The following SORCS3 variants were observed in gnomAD, a reference collection of about 807,000 sequenced individuals.
SORCS3 encodes the protein VPS10 domain-containing receptor SorCS3.
In SORCS3, 57 loss-of-function variants were observed where a neutral mutation model predicts 146.3. The ratio of observed to expected loss-of-function variants is 0.39; its 90% CI spans 0.31 to 0.49. SORCS3 has a LOEUF of 0.49. Ranked by LOEUF, SORCS3 falls within the 20% of genes least tolerant of loss-of-function variation. SORCS3 has a pLI of 0.92. For synonymous variants in SORCS3, 653 were observed against 618.5 expected, an observed-to-expected ratio of 1.06 and a Z score of -0.83; for missense variants, 1,341 against 1,575.5, an observed-to-expected ratio of 0.85 and a Z score of 2.52.
chr10:104,970,912 G>A (rs2054856994), intron 3 of SORCS3, among the ~76,000 whole-genome samples: 1 of 152,120 alleles, frequency 6.6e-6, no homozygotes, highest in Non-Finnish European at 1.5e-5. Flanking sequence ...AAATTTAGGG[G>A]GCTATATTTT....
chr10:104,741,551 A>T (rs1161747534), intron 1 of SORCS3, among the ~76,000 whole-genome samples: 2 of 150,874 alleles, frequency 1.3e-5, no homozygotes, highest in Non-Finnish European at 2.9e-5. Context: ...CTCCTTCTGG[A>T]AATCCTAGGA....
At chr10:105,227,190 T>C (rs547087671) in intron 20 of SORCS3, among the ~76,000 whole-genome samples, 10 of 152,190 alleles carry the variant, frequency 6.6e-5, no homozygotes, top group African/African-American at 2.4e-4. Flanking sequence ...TAATTATTGC[T>C]ATAAGCGTAC....
At chr10:105,055,603 CA>C (rs1228964819) in intron 5 of SORCS3, among the ~76,000 whole-genome samples, 1 of 152,080 alleles carries the variant, frequency 6.6e-6, no homozygotes, top group African/African-American at 2.4e-5. Flanking sequence ...AATAATAAAA[CA>C]GCTTATAATA....
intron 7 of SORCS3, among the ~76,000 whole-genome samples, chr10:105,113,454 C>T (rs1289493356): frequency 6.6e-6 from 1 of 152,182 alleles, no homozygotes; most frequent in Non-Finnish European, 1.5e-5. Context: ...CTTCCCATGA[C>T]ATTAAAAATT....
intron 3 of SORCS3, among the ~76,000 whole-genome samples, chr10:104,934,928 T>C (rs2019245046): frequency 1.3e-5 from 2 of 152,212 alleles, no homozygotes; most frequent in African/African-American, 4.8e-5. Context: ...TACATGCAGT[T>C]GGAGTTGAAG....
chr10:104,709,770 A>G (rs1328223312), intron 1 of SORCS3, among the ~76,000 whole-genome samples: 1 of 152,176 alleles, frequency 6.6e-6, no homozygotes, highest in African/African-American at 2.4e-5. Context: ...TTGGGATACA[A>G]TTAATGTCTG....
intron 1 of SORCS3, among the ~76,000 whole-genome samples, chr10:104,683,036 C>G (rs2015998178): frequency 6.6e-6 from 1 of 152,332 alleles, no homozygotes; most frequent in East Asian, 1.9e-4. Context: ...CCCTTGACAT[C>G]TAAGCATGCT....
intron 5 of SORCS3, among the ~76,000 whole-genome samples, chr10:105,074,163 C>T (rs2055574465): frequency 6.6e-6 from 1 of 152,178 alleles, no homozygotes; most frequent in Non-Finnish European, 1.5e-5. Context: ...CAGGCATTTT[C>T]TTTGCTCTCT....
At chr10:104,919,367 A>ATTT (rs34496681) in intron 3 of SORCS3, among the ~76,000 whole-genome samples, 1 of 148,508 alleles carries the variant, frequency 6.7e-6, no homozygotes, top group Non-Finnish European at 1.5e-5. Context: ...AATGGCATGG[A>ATTT]TTTTTTTTTT....
At chr10:104,908,680 T>A (rs1310552497) in intron 2 of SORCS3, among the ~76,000 whole-genome samples, 1 of 152,234 alleles carries the variant, frequency 6.6e-6, no homozygotes, top group Non-Finnish European at 1.5e-5. Flanking sequence ...TTTGAGAAGC[T>A]TTTAGCAATT....
intron 2 of SORCS3, among the ~76,000 whole-genome samples, chr10:104,896,911 T>C (rs959188569): frequency 6.6e-6 from 1 of 152,190 alleles, no homozygotes; most frequent in African/African-American, 2.4e-5. Flanking sequence ...TCTGGCCCTG[T>C]ACAGAAAAAG....
At chr10:105,178,600 G>GACAC (rs34722139) in intron 14 of SORCS3, among the ~76,000 whole-genome samples, 2 of 151,412 alleles carry the variant, frequency 1.3e-5, no homozygotes, top group African/African-American at 4.9e-5. Flanking sequence ...CTCTCTCATA[G>GACAC]ACACACACAC....
intron 1 of SORCS3, among the ~76,000 whole-genome samples, chr10:104,841,090 T>C (rs965723650): frequency 1.3e-5 from 2 of 152,210 alleles, no homozygotes; most frequent in Middle Eastern, 3.4e-3. Flanking sequence ...TATATACTGA[T>C]TCAACAAACA....
chr10:105,039,451 C>CTT (rs920662213), intron 4 of SORCS3, among the ~76,000 whole-genome samples: 1,373 of 96,266 alleles, frequency 0.014, 3 homozygotes, highest in Non-Finnish European at 0.018. Context: ...CTCTCGCTCT[C>CTT]TTTTTTTTTT....
At chr10:104,939,988 T>TACTC (rs2019295880) in intron 3 of SORCS3, among the ~76,000 whole-genome samples, 1 of 151,558 alleles carries the variant, frequency 6.6e-6, no homozygotes, top group Admixed American at 6.6e-5. Context: ...AGAAATAATT[T>TACTC]TGGGGTGAGT....
chr10:105,074,584 G>A (rs2055577204), intron 5 of SORCS3, among the ~76,000 whole-genome samples: 1 of 152,178 alleles, frequency 6.6e-6, no homozygotes, highest in African/African-American at 2.4e-5. Flanking sequence ...CAAATCTCTA[G>A]CTATCGTTAC....
chr10:104,891,247 T>C (rs1236292000), intron 2 of SORCS3, among the ~76,000 whole-genome samples: 2 of 152,232 alleles, frequency 1.3e-5, no homozygotes, highest in Admixed American at 6.5e-5. Flanking sequence ...TGTGAACTTC[T>C]GGAATTGTTC....
chr10:104,974,805 A>G (rs773752781), intron 3 of SORCS3, among the ~76,000 whole-genome samples: 6 of 152,010 alleles, frequency 3.9e-5, no homozygotes, highest in Admixed American at 6.6e-5. Flanking sequence ...GATCTTTACA[A>G]TTTGGCCTGA....
Position 105,084,784 on chromosome 10 carries a change from G to A in SORCS3, c.1029-4991G>A, listed in dbSNP as rs189204831. Among the ~76,000 whole-genome samples the A allele has an allele frequency of 2.1e-3, 312 of 150,694 alleles. 1 individual carries two copies. Among genetic ancestry groups the A allele is most frequent in the African/African-American group, 7.4e-3 (302 of 40,992 alleles). ...CTCGCTCTGTCGCCCAGGCTGAAGT[G>A]CAGTGGCGCCATCTCGGCTCACTAC... On this transcript the variant is annotated intron_variant, in intron 5 of 26. Coordinates refer to ENST00000369701, the MANE Select transcript of SORCS3 (RefSeq NM_014978.3).
Sources: allele counts gnomAD v4.1 joint callset (sites outside exome capture counted in the v4.1 genomes callset), GRCh38; gene constraint gnomAD v4.1.1; transcripts MANE v1.5; gene names NCBI Gene and HGNC (gene_info 2026-07-23, HGNC 2026-07-21).